The following KIF3C variants were observed in gnomAD, a reference collection of about 807,000 sequenced individuals.
KIF3C encodes kinesin family member 3C.
Under a neutral mutation model 67.7 loss-of-function variants are expected in KIF3C, and 12 were observed. That is an observed-to-expected ratio of 0.18 (90% CI 0.11 to 0.29). The LOEUF is 0.29. KIF3C is among the 10% of genes least tolerant of loss of function. KIF3C has a pLI of 1.00. For missense variants in KIF3C, 789 were observed against 1,059.6 expected (o/e 0.74, Z 3.55); for synonymous variants, 393 against 426.2 (o/e 0.92, Z 0.96).
chr2:25,973,524 A>C (rs191544735), intron 1 of KIF3C, among the ~76,000 whole-genome samples: 2 of 146,950 alleles, frequency 1.4e-5, no homozygotes, highest in Non-Finnish European at 3.0e-5. Flanking sequence ...ACTGTACTCC[A>C]GCCTGGGCAA....
chr2:25,934,628 G>A (rs765217400), intron 5 of KIF3C, among the ~76,000 whole-genome samples: 5 of 151,990 alleles, frequency 3.3e-5, no homozygotes, highest in African/African-American at 7.3e-5. Context: ...TAGTGGTGAC[G>A]GTTGTATAAC....
In KIF3C at chr2:25,980,147, G is replaced by A. The variant is rs11126321; in HGVS notation, c.1545+226C>T. On this transcript the variant is annotated intron_variant, in intron 1 of 7. Transcript: ENST00000264712. The surrounding 1 kb of genome is among the most constrained non-coding windows in gnomAD (Gnocchi z 7.6). ...CCCAAGCTCACTGGCTTGAGAGACCGCCTGTCCACGTTGCTTCGTGTGTGT... is the reference window on the plus strand; with the variant it reads ...CCCAAGCTCACTGGCTTGAGAGACCACCTGTCCACGTTGCTTCGTGTGTGT... Among the ~76,000 whole-genome samples the A allele has an allele frequency of 0.097, 14,729 of 152,140 alleles. 946 individuals are homozygous for A. The highest frequency in any genetic ancestry group is 0.17 in the African/African-American group (7,254 of 41,490).
In KIF3C at chr2:25,944,702, T is replaced by C. The variant is rs374241371; in HGVS notation, c.2006+7087A>G. On this transcript the variant is annotated intron_variant, in intron 5 of 7. Coordinates refer to ENST00000264712, the MANE Select transcript of KIF3C (RefSeq NM_002254.8). ...TGTATTTGCATATTTTCTTCACATA[T>C]GTTGTACTTGGTCTTTATTCTGAAC... is the stretch of plus-strand genomic sequence containing the variant. 8.5e-5 allele frequency among the ~76,000 whole-genome samples: 13 copies of C among 152,288 alleles called. No individual in the cohort carries two copies. In the East Asian group the frequency reaches 2.1e-3, roughly 25 times the overall value.
intron 1 of KIF3C, among the ~76,000 whole-genome samples, chr2:25,962,355 T>C (rs1663966960): frequency 6.6e-6 from 1 of 152,070 alleles, no homozygotes; most frequent in Non-Finnish European, 1.5e-5. Context: ...ACTTGGTTTC[T>C]TTCATTTTCC....
Position 25,980,783 on chromosome 2 carries a change from G to A in KIF3C, c.1135C>T (p.Leu379=). ...PRVNEDPKDT[L]LREFQEEIAR... is the part of the protein sequence containing the mutation. ...ATCTCCTCTTGGAATTCCCGCAGCA[G>A]TGTGTCCTTGGGGTCCTCGTTCACC... Residue 379 remains leucine (L), a synonymous_variant, in exon 1 of 8, where the codon CTG becomes TTG. Coordinates refer to ENST00000264712, the MANE Select transcript of KIF3C (RefSeq NM_002254.8). The surrounding 1 kb of genome is among the most constrained non-coding windows in gnomAD (Gnocchi z 7.6). 6.2e-7 allele frequency: 1 copy of A among 1,614,226 alleles called. No individual in the cohort carries two copies. Among genetic ancestry groups the A allele is most frequent in the South Asian group, 1.1e-5 (1 of 91,086 alleles).
rs186911896 is a variant in KIF3C, at chr2:25,945,300, A to C, written c.2006+6489T>G. On this transcript the variant is annotated intron_variant, in intron 5 of 7. Transcript: ENST00000264712. ...CTTTGCAAAGAATCTTGGAAAAGAAAACACTATAAAAGCTGCTCTACTTTA... is the reference window on the plus strand; with the variant it reads ...CTTTGCAAAGAATCTTGGAAAAGAACACACTATAAAAGCTGCTCTACTTTA... Among the ~76,000 whole-genome samples, 84 of 152,292 alleles carry C rather than the reference A, an allele frequency of 5.5e-4. 1 individual carries two copies. The East Asian group carries it at 0.012, about 21-fold the overall frequency.
rs916530080 is a variant in KIF3C at position 25,929,460 on chromosome 2, A to C, written c.2133T>G (p.Phe711Leu). Residue 711 changes from phenylalanine to leucine, a missense_variant, in exon 7 of 8, where the codon TTT (phenylalanine) becomes TTG (leucine). This residue lies in a region of KIF3C where 648 missense variants were observed against 807.8 expected (regional missense o/e 0.80). Coordinates refer to ENST00000264712, the MANE Select transcript of KIF3C (RefSeq NM_002254.8). ...HPRYRAENIM[F>L]LELDVSPPAV... ...CTGGAGGGGACACATCCAACTCCAG[A>C]AACATTATGTTTTCAGCCTGTGGTG... is the stretch of plus-strand genomic sequence containing the variant. 11 of 1,614,058 alleles carry C rather than the reference A, an allele frequency of 6.8e-6. No individual in the cohort carries two copies. Among genetic ancestry groups the C allele is most frequent in the Non-Finnish European group, 9.3e-6 (11 of 1,179,966 alleles).
At chr2:25,936,608 T>A (rs1411703638) in intron 5 of KIF3C, among the ~76,000 whole-genome samples, 1 of 152,198 alleles carries the variant, frequency 6.6e-6, no homozygotes, top group Non-Finnish European at 1.5e-5. Context: ...TCTAAAGGTA[T>A]TTTCATGCTT....
At position 25,962,880 on chromosome 2, in the gene KIF3C, AAT is replaced by A. The variant is rs1325412954; in HGVS notation, c.1546-6438_1546-6437del. On this transcript the variant is annotated intron_variant, in intron 1 of 7. Coordinates refer to ENST00000264712, the MANE Select transcript of KIF3C (RefSeq NM_002254.8). ...AATATATAATATATATAATATATAA[AAT>A]ATATATAATATAAAATATATATAAT... Among the ~76,000 whole-genome samples the A allele has an allele frequency of 2.2e-4, 14 of 62,252 alleles. 1 individual carries two copies. The highest frequency in any genetic ancestry group is 7.7e-4 in the African/African-American group (11 of 14,210). The allele number at this position is 62,252 out of a possible 152,430, so 40.8% of individuals were successfully genotyped here. A position where few individuals can be genotyped will look rare whatever the true frequency, so the allele number is the denominator to read the frequency against.
chr2:25,976,752 C>T (rs12997066), intron 1 of KIF3C, among the ~76,000 whole-genome samples: 2,607 of 152,182 alleles, frequency 0.017, 22 homozygotes, highest in Middle Eastern at 0.068. Context: ...AAGAACGAAA[C>T]TCCATCTCAA....
At chr2:25,971,899 T>C (rs1040011943) in intron 1 of KIF3C, among the ~76,000 whole-genome samples, 2 of 137,484 alleles carry the variant, frequency 1.5e-5, no homozygotes, top group Admixed American at 1.5e-4. Context: ...TTTTTTTTTT[T>C]ACTTTTTTGT....
chr2:25,977,424 G>C (rs531554450), intron 1 of KIF3C, among the ~76,000 whole-genome samples: 1 of 152,174 alleles, frequency 6.6e-6, no homozygotes, highest in South Asian at 2.1e-4. Context: ...AACTCAGAAA[G>C]GGGGGACAGG....
chr2:25,971,871 C>CTTTTTT (rs70950146), intron 1 of KIF3C, among the ~76,000 whole-genome samples: 17 of 53,798 alleles, frequency 3.2e-4, no homozygotes, highest in Admixed American at 4.5e-4. Flanking sequence ...CCATGCCTAG[C>CTTTTTT]TTTTTTTTTT....
At chr2:25,967,974 C>T (rs373368735) in intron 1 of KIF3C, among the ~76,000 whole-genome samples, 3 of 152,198 alleles carry the variant, frequency 2.0e-5, no homozygotes, top group East Asian at 3.9e-4. Context: ...TTACCCACCA[C>T]TTGCCACAAA....
intron 7 of KIF3C, 115 bp from the exon 8 acceptor site, chr2:25,929,186 G>T: frequency 7.2e-7 from 1 of 1,395,876 alleles, no homozygotes; most frequent in Non-Finnish European, 1.0e-6. Context: ...GACATCCCCA[G>T]TCACCCCTTG....
At position 25,980,605 on chromosome 2, in the gene KIF3C, T is replaced by C; in HGVS notation, c.1313A>G (p.Asn438Ser). 4.3e-6 allele frequency: 7 copies of C among 1,614,058 alleles called. No homozygotes were observed. The South Asian group carries it at 6.6e-5, about 15-fold the overall frequency. Residue 438 changes from asparagine (N) to serine (S), a missense_variant, in exon 1 of 8, where the codon AAC becomes AGC. Around this residue, in one of 2 missense-constraint regions of KIF3C, gnomAD observed 648 missense variants for 807.8 expected, o/e 0.80. Transcript: ENST00000264712. This position sits in a 1 kb window ranked among gnomAD's most constrained non-coding sequence, Gnocchi z 7.6. ...EAWVAEEEDDNNNNHRPPQPI... is the reference protein window; with the variant it reads ...EAWVAEEEDDSNNNHRPPQPI... ...CTGGGGCGGGCGGTGGTTGTTGTTG[T>C]TGTCATCCTCCTCTTCTGCCACCCA...
intron 5 of KIF3C, among the ~76,000 whole-genome samples, chr2:25,946,499 C>T (rs896821910): frequency 6.6e-5 from 10 of 152,162 alleles, no homozygotes; most frequent in Admixed American, 5.2e-4. Flanking sequence ...ACCATCCTGG[C>T]CAACATGGTG....
intron 1 of KIF3C, among the ~76,000 whole-genome samples, chr2:25,971,810 C>T (rs970738074): frequency 1.3e-5 from 2 of 150,856 alleles, no homozygotes; most frequent in African/African-American, 4.9e-5. Context: ...TAGGCTCAAG[C>T]CATCCTTCCA....
At position 25,971,699 on chromosome 2, in the gene KIF3C, C is replaced by T. The variant is rs150274714; in HGVS notation, c.1545+8674G>A. ...AGAGCTGGATCTGTGGAAAGAGAGACCATTTTGTTTCATTTTCTTTTTTTG... is the reference window on the plus strand; with the variant it reads ...AGAGCTGGATCTGTGGAAAGAGAGATCATTTTGTTTCATTTTCTTTTTTTG... On this transcript the variant is annotated intron_variant, in intron 1 of 7. Transcript: ENST00000264712. Among the ~76,000 whole-genome samples, 111 of 151,636 alleles carry T rather than the reference C, an allele frequency of 7.3e-4. 2 individuals are homozygous for T. The highest frequency in any genetic ancestry group is 6.9e-3 in the Admixed American group (104 of 15,182).
Sources: gnomAD v4.1 joint callset for allele counts (sites outside exome capture counted in the v4.1 genomes callset) on GRCh38, gnomAD v4.1.1 for gene constraint, gnomAD v4.1.1 regional missense constraint, Gnocchi (gnomAD v3.1) non-coding constraint, MANE v1.5 for transcripts, NCBI Gene and HGNC (gene_info 2026-07-23, HGNC 2026-07-21) for gene names.